TMPRSS15: variants seen among roughly 807,000 people sequenced by gnomAD.
The protein encoded by TMPRSS15 is enteropeptidase.
Under a neutral mutation model 125.3 loss-of-function variants are expected in TMPRSS15, and 128 were observed. The ratio of observed to expected loss-of-function variants is 1.02; its 90% CI spans 0.89 to 1.18. TMPRSS15 has a LOEUF of 1.18. TMPRSS15 is among the 50% of genes most tolerant of loss of function. The pLI, the probability that TMPRSS15 is intolerant of heterozygous loss-of-function variation, is 0.00. For synonymous variants in TMPRSS15, 446 were observed against 423.2 expected (o/e 1.05, Z -0.66); for missense variants, 1,283 against 1,212.7 (o/e 1.06, Z -0.86).
At chr21:18,379,838 T>A (rs940047350) in intron 4 of TMPRSS15, among the ~76,000 whole-genome samples, 1 of 152,070 alleles carries the variant, frequency 6.6e-6, no homozygotes, top group African/African-American at 2.4e-5. Flanking sequence ...ATCATTCTGA[T>A]AATTGAAATA....
chr21:18,353,657 T>C, intron 9 of TMPRSS15, 66 bp downstream of exon 9: 1 of 1,489,540 alleles, frequency 6.7e-7, no homozygotes, highest in South Asian at 1.2e-5. Flanking sequence ...TTCTGCTACC[T>C]TTAAAATTCC....
intron 15 of TMPRSS15, among the ~76,000 whole-genome samples, chr21:18,328,180 A>C (rs2075311462): frequency 6.6e-6 from 1 of 152,170 alleles, no homozygotes; most frequent in Admixed American, 6.5e-5. Flanking sequence ...TTTCCTCTAT[A>C]ATAGTACACT....
chr21:18,476,944 A>C (rs1417259432), intron 1 of TMPRSS15, among the ~76,000 whole-genome samples: 1 of 151,858 alleles, frequency 6.6e-6, no homozygotes, highest in Non-Finnish European at 1.5e-5. Context: ...CTAACTCCAA[A>C]TGCCACATTC....
chr21:18,459,313 G>A (rs745823595), intron 1 of TMPRSS15, among the ~76,000 whole-genome samples: 20 of 148,804 alleles, frequency 1.3e-4, no homozygotes, highest in African/African-American at 2.2e-4. Flanking sequence ...TTGCTCTGTC[G>A]CCCAGTCTGG....
chr21:18,342,098 C>T (rs2075452929), intron 12 of TMPRSS15, among the ~76,000 whole-genome samples: 1 of 152,114 alleles, frequency 6.6e-6, no homozygotes, highest in African/African-American at 2.4e-5. Context: ...GGATACTGTG[C>T]AAGGGTGGTG....
At chr21:18,406,163 C>A (rs2076151401), upstream of TMPRSS15, among the ~76,000 whole-genome samples, 1 of 152,092 alleles carries the variant, frequency 6.6e-6, no homozygotes, top group Non-Finnish European at 1.5e-5. Context: ...TGTGATCAAG[C>A]CAGTTACCAT....
At chr21:18,319,459 G>C (rs934075541) in intron 16 of TMPRSS15, among the ~76,000 whole-genome samples, 1 of 86,488 alleles carries the variant, frequency 1.2e-5, no homozygotes, top group Non-Finnish European at 2.2e-5. Flanking sequence ...ACAGAGTTTT[G>C]CTCTTGTTGC....
rs952006854 is a variant in TMPRSS15, at chr21:18,317,702, T to TTG, written c.1922-2448_1922-2447dup. Among the ~76,000 whole-genome samples the TTG allele has an allele frequency of 3.2e-4, 48 of 151,390 alleles. 1 individual carries two copies. In the South Asian group the frequency reaches 4.2e-3, roughly 13 times the overall value. ...CTAGGATACACATCAATGTGTGTGT[T>TTG]TGTGTGTGTGTGTGTAACTAAATTA... On this transcript the variant is annotated intron_variant, in intron 16 of 24. Coordinates refer to ENST00000284885, the MANE Select transcript of TMPRSS15 (RefSeq NM_002772.3).
At chr21:18,278,183 G>GT (rs946370117) in intron 23 of TMPRSS15, among the ~76,000 whole-genome samples, 9 of 152,060 alleles carry the variant, frequency 5.9e-5, no homozygotes, top group Non-Finnish European at 8.8e-5. Flanking sequence ...AATAAAGATA[G>GT]TTTTATTAGT....
intron 18 of TMPRSS15, among the ~76,000 whole-genome samples, chr21:18,298,831 G>A (rs2074934806): frequency 6.6e-6 from 1 of 152,108 alleles, no homozygotes; most frequent in African/African-American, 2.4e-5. Context: ...TGCCAACACT[G>A]ACCCTTTTCT....
chr21:18,292,187 T>G (rs1268320417), intron 21 of TMPRSS15, among the ~76,000 whole-genome samples: 3 of 152,348 alleles, frequency 2.0e-5, no homozygotes, highest in Admixed American at 1.3e-4. Flanking sequence ...AATAATAAAT[T>G]TTGTCAAGGT....
chr21:18,436,165 T>A (rs539346104), intron 1 of TMPRSS15, among the ~76,000 whole-genome samples: 1 of 151,308 alleles, frequency 6.6e-6, no homozygotes, highest in African/African-American at 2.4e-5. Flanking sequence ...ATTTCTTGCC[T>A]TCTGCTAGCT....
intron 16 of TMPRSS15, among the ~76,000 whole-genome samples, chr21:18,324,157 G>A (rs1473256511): frequency 4.6e-5 from 7 of 151,908 alleles, no homozygotes; most frequent in East Asian, 1.9e-4. Context: ...TCCAGAAAGC[G>A]TATAATTTTT....
intron 16 of TMPRSS15, among the ~76,000 whole-genome samples, chr21:18,321,856 A>T (rs1027175854): frequency 6.6e-6 from 1 of 152,050 alleles, no homozygotes; most frequent in African/African-American, 2.4e-5. Context: ...CAATCATTCC[A>T]TTACTCACTT....
chr21:18,456,296 T>A (rs980051367), intron 1 of TMPRSS15, among the ~76,000 whole-genome samples: 3 of 152,116 alleles, frequency 2.0e-5, no homozygotes, highest in Admixed American at 2.0e-4. Flanking sequence ...AGAATGATTG[T>A]CTAATGTCAG....
intron 24 of TMPRSS15, among the ~76,000 whole-genome samples, chr21:18,274,748 C>T (rs1332149467): frequency 6.6e-6 from 1 of 152,204 alleles, no homozygotes; most frequent in Non-Finnish European, 1.5e-5. Context: ...TACTGCACGC[C>T]TGGATGATAT....
rs374155945 is a variant in TMPRSS15 at position 18,294,267 on chromosome 21, C to T, written c.2486+3G>A. 5 of 1,614,126 alleles carry T rather than the reference C, an allele frequency of 3.1e-6. No individual in the cohort carries two copies. The highest frequency in any genetic ancestry group is 1.3e-5 in the African/African-American group (1 of 75,064). On this transcript the variant is annotated splice_donor_region_variant and intron_variant, in intron 21 of 24. Transcript: ENST00000284885. ...GGGAAGGGACACTTGACATCACACTCACCCATACACGCAGTGTGCGGCGGA... is the reference window on the plus strand; with the variant it reads ...GGGAAGGGACACTTGACATCACACTTACCCATACACGCAGTGTGCGGCGGA...
At chr21:18,372,097 AAT>A (rs1491455403) in intron 6 of TMPRSS15, 94 bp downstream of exon 6, 3 of 497,096 alleles carry the variant, frequency 6.0e-6, no homozygotes, top group African/African-American at 2.9e-5. Flanking sequence ...TTGAGATTAG[AAT>A]GTGTGTGTGT....
intron 6 of TMPRSS15, among the ~76,000 whole-genome samples, chr21:18,369,797 G>T (rs1453697958): frequency 6.6e-6 from 1 of 152,050 alleles, no homozygotes; most frequent in Non-Finnish European, 1.5e-5. Context: ...GGTGCTGAAA[G>T]TCATTAGGCT....
Sources: allele counts gnomAD v4.1 joint callset (sites outside exome capture counted in the v4.1 genomes callset), GRCh38; gene constraint gnomAD v4.1.1; transcripts MANE v1.5; gene names NCBI Gene and HGNC (gene_info 2026-07-23, HGNC 2026-07-21).